The following HECW2 variants were observed in gnomAD, a reference collection of about 807,000 sequenced individuals.
HECW2 encodes E3 ubiquitin-protein ligase HECW2.
HECW2 carries 61 observed loss-of-function variants against 175.2 expected under a neutral mutation model. That is an observed-to-expected ratio of 0.35 (90% CI 0.28 to 0.43). The LOEUF is 0.43. HECW2 is among the 20% of genes least tolerant of loss of function. The probability of loss-of-function intolerance (pLI) is 1.00; values close to 1 mark genes in which losing one functional copy is unlikely to be tolerated. For synonymous variants in HECW2, 671 were observed against 731.0 expected, an observed-to-expected ratio of 0.92 and a Z score of 1.32; for missense variants, 1,524 against 2,000.5, an observed-to-expected ratio of 0.76 and a Z score of 4.54.
chr2:196,245,061 G>A (rs1429816311), intron 19 of HECW2, among the ~76,000 whole-genome samples: 3 of 152,170 alleles, frequency 2.0e-5, no homozygotes, highest in Non-Finnish European at 2.9e-5. Flanking sequence ...GAAGCCTGAG[G>A]GGATAAGGAC....
At chr2:196,508,451 C>A (rs1687840701) in intron 1 of HECW2, among the ~76,000 whole-genome samples, 1 of 152,222 alleles carries the variant, frequency 6.6e-6, no homozygotes, top group South Asian at 2.1e-4. Context: ...CTACTGGATG[C>A]TCGCTGAAGC....
chr2:196,299,340 A>G (rs1431341642), intron 13 of HECW2, among the ~76,000 whole-genome samples: 6 of 151,820 alleles, frequency 4.0e-5, no homozygotes, highest in African/African-American at 1.5e-4. Flanking sequence ...AAAAAAAAAA[A>G]AAGCCTGTAA....
intron 1 of HECW2, among the ~76,000 whole-genome samples, chr2:196,579,049 T>C (rs1690666472): frequency 6.6e-6 from 1 of 152,102 alleles, no homozygotes; most frequent in Non-Finnish European, 1.5e-5. Flanking sequence ...TGTATAAAGA[T>C]GTAATCTGTA....
At chr2:196,355,977 G>A (rs1693350802) in intron 2 of HECW2, among the ~76,000 whole-genome samples, 1 of 152,124 alleles carries the variant, frequency 6.6e-6, no homozygotes, top group African/African-American at 2.4e-5. Flanking sequence ...TTGGGAAAAG[G>A]CGTAACACAA....
chr2:196,222,365 A>G (rs1354798717), intron 23 of HECW2, 25 bp from the exon 24 acceptor site: 1 of 1,609,296 alleles, frequency 6.2e-7, no homozygotes, highest in Non-Finnish European at 8.5e-7. Flanking sequence ...AGACAGAAAC[A>G]AATATGTAGG....
chr2:196,343,070 T>TTGTG (rs36014519), intron 3 of HECW2, among the ~76,000 whole-genome samples: 25 of 148,732 alleles, frequency 1.7e-4, no homozygotes, highest in South Asian at 4.2e-4. Context: ...ATGTGTATGT[T>TTGTG]TGTGTGTGTG....
At chr2:196,334,635 C>T (rs1376456276) in intron 3 of HECW2, 117 bp from the exon 4 acceptor site, 1 of 753,932 alleles carries the variant, frequency 1.3e-6, no homozygotes, top group African/African-American at 1.8e-5. Context: ...TCTGAATGAC[C>T]TCTTTTTTCC....
At chr2:196,385,315 T>A (rs1575487162) in intron 2 of HECW2, among the ~76,000 whole-genome samples, 1 of 152,290 alleles carries the variant, frequency 6.6e-6, no homozygotes, top group East Asian at 1.9e-4. Flanking sequence ...ATTTATTTAA[T>A]CAGAATATAA....
At chr2:196,409,404 G>T (rs1695048921) in intron 2 of HECW2, among the ~76,000 whole-genome samples, 2 of 152,062 alleles carry the variant, frequency 1.3e-5, no homozygotes, top group African/African-American at 4.8e-5. Flanking sequence ...ATGATTCTCT[G>T]TCCAGGTCAT....
chr2:196,509,800 C>T (rs1687884238), intron 1 of HECW2, among the ~76,000 whole-genome samples: 1 of 152,216 alleles, frequency 6.6e-6, no homozygotes, highest in Non-Finnish European at 1.5e-5. Flanking sequence ...CAGGGTGAGG[C>T]CACTCAAGTT....
intron 26 of HECW2, chr2:196,217,466 C>T (rs1253153378): frequency 5.7e-6 from 1 of 174,928 alleles, no homozygotes; most frequent in Non-Finnish European, 1.2e-5. Flanking sequence ...ACCTCTATGC[C>T]AAGCACTGTA....
At chr2:196,280,105 A>G (rs4550685) in intron 14 of HECW2, among the ~76,000 whole-genome samples, 2 of 152,252 alleles carry the variant, frequency 1.3e-5, no homozygotes, top group African/African-American at 2.4e-5. Context: ...TATCTTAAGT[A>G]CAATTAGAAA....
intron 19 of HECW2, among the ~76,000 whole-genome samples, chr2:196,252,178 A>AAATAATAATAAT (rs10666310): frequency 0.3 from 40,177 of 132,778 alleles, 6,281 homozygotes; most frequent in Non-Finnish European, 0.35. Flanking sequence ...CTCCGATTCA[A>AAATAATAATAAT]AATAATAATA....
intron 1 of HECW2, among the ~76,000 whole-genome samples, chr2:196,527,022 G>C (rs1247346833): frequency 6.7e-6 from 1 of 150,162 alleles, no homozygotes; most frequent in Admixed American, 6.6e-5. Flanking sequence ...GGAGCTTCCC[G>C]GCTGCTTTGT....
intron 1 of HECW2, among the ~76,000 whole-genome samples, chr2:196,453,405 A>G (rs922454790): frequency 6.6e-6 from 1 of 152,216 alleles, no homozygotes; most frequent in Non-Finnish European, 1.5e-5. Flanking sequence ...GCACTTCAAT[A>G]TCGGCTAAGA....
chr2:196,254,142 G>C (rs909097551), intron 18 of HECW2, 113 bp from the exon 19 acceptor site: 1 of 1,431,966 alleles, frequency 7.0e-7, no homozygotes, highest in Non-Finnish European at 9.3e-7. Context: ...CCCAAAGAGA[G>C]CATCCGCCCC....
Position 196,320,417 on chromosome 2 carries a change from G to A in HECW2, c.907C>T (p.Leu303Phe), listed in dbSNP as rs760534409. ...TGGTCAGCTGGGAGCCTTCTGCCAA[G>A]GTTGTAGCTGAGCATTTGATCACTG... ...AIGDQMLSYN[L>F]GRRLPADHVS... is the part of the protein sequence containing the mutation. Residue 303 changes from leucine to phenylalanine, a missense_variant, in exon 8 of 29, where the codon CTT (leucine) becomes TTT (phenylalanine). Transcript: ENST00000644978. 6 of 1,611,764 alleles carry A rather than the reference G, an allele frequency of 3.7e-6. No individual in the cohort carries two copies. The highest frequency in any genetic ancestry group is 2.2e-5 in the East Asian group (1 of 44,834).
intron 2 of HECW2, among the ~76,000 whole-genome samples, chr2:196,430,774 A>C (rs1695687521): frequency 6.6e-6 from 1 of 152,170 alleles, no homozygotes; most frequent in African/African-American, 2.4e-5. Context: ...AAGGAAAATG[A>C]ACGAGAGCCT....
chr2:196,539,958 G>A (rs962493212), intron 1 of HECW2, among the ~76,000 whole-genome samples: 2 of 152,166 alleles, frequency 1.3e-5, no homozygotes, highest in East Asian at 3.8e-4. Context: ...ATGTAAAAAG[G>A]TAGGAATGTT....
Sources: allele counts gnomAD v4.1 joint callset (sites outside exome capture counted in the v4.1 genomes callset), GRCh38; gene constraint gnomAD v4.1.1; transcripts MANE v1.5; gene names NCBI Gene and HGNC (gene_info 2026-07-23, HGNC 2026-07-21).